Variants in TCF12 observed in about 807,000 individuals in gnomAD.
The protein encoded by TCF12 is DNA-binding protein HTF4.
Under a neutral mutation model 86.0 loss-of-function variants are expected in TCF12, and 45 were observed. That is an observed-to-expected ratio of 0.52 (90% CI 0.41 to 0.67). The LOEUF is 0.67. Among genes scored for constraint, TCF12 ranks in the 30% least tolerant of loss-of-function variants. TCF12 has a pLI of 0.00. For synonymous variants in TCF12, 330 were observed against 299.6 expected, an observed-to-expected ratio of 1.10 and a Z score of -1.05; for missense variants, 881 against 859.9, an observed-to-expected ratio of 1.02 and a Z score of -0.31.
chr15:56,962,031 G>A (rs1311900663), intron 3 of TCF12, among the ~76,000 whole-genome samples: 1 of 151,522 alleles, frequency 6.6e-6, no homozygotes, highest in African/African-American at 2.4e-5. Context: ...ACTCGGAGAG[G>A]CTGAGGCAGG....
chr15:56,971,616 G>C (rs187000088), intron 3 of TCF12, among the ~76,000 whole-genome samples: 79 of 152,262 alleles, frequency 5.2e-4, no homozygotes, highest in Non-Finnish European at 9.3e-4. Flanking sequence ...GTTTGTGCTA[G>C]ACAAAGGGAT....
At chr15:57,261,706 C>A (rs1276975720) in intron 16 of TCF12, among the ~76,000 whole-genome samples, 1 of 151,716 alleles carries the variant, frequency 6.6e-6, no homozygotes, top group Admixed American at 6.6e-5. Flanking sequence ...TTGTTAAATG[C>A]CAGTTCATGC....
intron 3 of TCF12, among the ~76,000 whole-genome samples, chr15:57,034,748 G>A (rs185800935): frequency 3.4e-4 from 51 of 152,196 alleles, no homozygotes; most frequent in African/African-American, 3.6e-4. Flanking sequence ...TCCCAAAACC[G>A]TATAGTTAAT....
intron 5 of TCF12, among the ~76,000 whole-genome samples, chr15:57,145,228 T>C (rs1180715062): frequency 6.6e-6 from 1 of 152,148 alleles, no homozygotes; most frequent in Admixed American, 6.5e-5. Flanking sequence ...GGCAATCTAA[T>C]TAAGCTTATT....
At chr15:57,229,192 A>G (rs2059019526) in intron 8 of TCF12, among the ~76,000 whole-genome samples, 1 of 152,022 alleles carries the variant, frequency 6.6e-6, no homozygotes, top group African/African-American at 2.4e-5. Flanking sequence ...AACTTGATTA[A>G]AAGAAAATAG....
intron 3 of TCF12, among the ~76,000 whole-genome samples, chr15:57,059,773 C>A: frequency 7.3e-6 from 1 of 137,742 alleles, no homozygotes; most frequent in South Asian, 2.3e-4. Context: ...ACAATAGGTG[C>A]TTAGGGCATA....
intron 5 of TCF12, among the ~76,000 whole-genome samples, chr15:57,145,605 G>T (rs1286291653): frequency 6.6e-6 from 1 of 151,476 alleles, no homozygotes; most frequent in South Asian, 2.1e-4. Context: ...TAGAATCTTA[G>T]CTGTTCATTT....
At chr15:57,124,461 A>G (rs2051481878) in intron 5 of TCF12, among the ~76,000 whole-genome samples, 1 of 152,140 alleles carries the variant, frequency 6.6e-6, no homozygotes, top group South Asian at 2.1e-4. Flanking sequence ...CTTGGCCAGC[A>G]TGATGGGGGC....
intron 4 of TCF12, among the ~76,000 whole-genome samples, chr15:57,075,432 C>G (rs567535150): frequency 6.6e-6 from 1 of 152,232 alleles, no homozygotes; most frequent in East Asian, 1.9e-4. Context: ...TGAGATTCCA[C>G]TATTTCCTTG....
chr15:57,276,018 C>G (rs543258973), intron 19 of TCF12, among the ~76,000 whole-genome samples: 185 of 152,340 alleles, frequency 1.2e-3, no homozygotes, highest in African/African-American at 4.3e-3. Flanking sequence ...TATTCCCCAG[C>G]AGATAAAACA....
intron 5 of TCF12, among the ~76,000 whole-genome samples, chr15:57,161,496 T>C (rs957959667): frequency 6.6e-6 from 1 of 152,240 alleles, no homozygotes; most frequent in Non-Finnish European, 1.5e-5. Context: ...TTTAGCTACT[T>C]AAAATACCTT....
chr15:57,073,076 C>G (rs974182992), intron 4 of TCF12, among the ~76,000 whole-genome samples: 11 of 152,038 alleles, frequency 7.2e-5, no homozygotes, highest in African/African-American at 2.7e-4. Context: ...TTCAGACTAG[C>G]CTTTCTTCCT....
chr15:57,148,057 T>C (rs1303919325), intron 5 of TCF12, among the ~76,000 whole-genome samples: 1 of 151,840 alleles, frequency 6.6e-6, no homozygotes, highest in African/African-American at 2.4e-5. Context: ...TTTTTTTTAT[T>C]ATTATTTGTA....
chr15:57,170,706 A>T (rs56119359), intron 6 of TCF12, among the ~76,000 whole-genome samples: 14,297 of 24,848 alleles, frequency 0.58, 2,637 homozygotes, highest in African/African-American at 0.64. Flanking sequence ...ATTATATATA[A>T]TATATAATAT....
chr15:56,940,851 A>AC (rs1186677676), intron 3 of TCF12, among the ~76,000 whole-genome samples: 1 of 148,360 alleles, frequency 6.7e-6, no homozygotes, highest in African/African-American at 2.5e-5. Context: ...GAACTTCTGA[A>AC]CTCAAGGGAT....
intron 8 of TCF12, among the ~76,000 whole-genome samples, chr15:57,225,832 G>C (rs2058846073): frequency 6.7e-6 from 1 of 150,368 alleles, no homozygotes; most frequent in Admixed American, 6.6e-5. Context: ...AACTTGCGTA[G>C]ATTAATCAAT....
At chr15:57,017,456 C>T (rs1567260478) in intron 3 of TCF12, among the ~76,000 whole-genome samples, 1 of 152,250 alleles carries the variant, frequency 6.6e-6, no homozygotes, top group African/African-American at 2.4e-5. Context: ...CACTACAAGG[C>T]ACAATTGGGT....
At chr15:57,002,742 A>T (rs1190478138) in intron 3 of TCF12, among the ~76,000 whole-genome samples, 1 of 152,208 alleles carries the variant, frequency 6.6e-6, no homozygotes, top group Non-Finnish European at 1.5e-5. Context: ...CTCTGTCTCT[A>T]TAAGGTTTCA....
intron 8 of TCF12, among the ~76,000 whole-genome samples, chr15:57,210,749 C>T (rs7180513): frequency 0.18 from 27,769 of 152,136 alleles, 3,112 homozygotes; most frequent in Non-Finnish European, 0.24. Context: ...AGATCGCGCA[C>T]CTATAAAGTT....
Sources: gnomAD v4.1 joint callset for allele counts (sites outside exome capture counted in the v4.1 genomes callset) on GRCh38, gnomAD v4.1.1 for gene constraint, MANE v1.5 for transcripts, NCBI Gene and HGNC (gene_info 2026-07-23, HGNC 2026-07-21) for gene names.